Variants in BTD observed in about 807,000 individuals in gnomAD.
BTD encodes biotinidase, also known as biocytinase.
BTD carries 13 observed loss-of-function variants against 17.7 expected under a neutral mutation model. The observed-to-expected ratio is 0.74, with a 90% CI of 0.48 to 1.17. BTD has a LOEUF of 1.17. Ranked by LOEUF, BTD falls within the 50% of genes most tolerant of loss-of-function variation. The pLI is 0.00. For missense variants in BTD, 674 were observed against 650.4 expected, an observed-to-expected ratio of 1.04 and a Z score of -0.39; for synonymous variants, 240 against 245.2, an observed-to-expected ratio of 0.98 and a Z score of 0.20.
chr3:15,657,051 G>C (rs983957167), downstream of BTD, among the ~76,000 whole-genome samples: 1 of 152,180 alleles, frequency 6.6e-6, no homozygotes, highest in African/African-American at 2.4e-5. Context: ...GCTCCTCTGG[G>C]CCTCTCCATG....
In BTD at chr3:15,645,008, C is replaced by A. The variant is rs753278397; in HGVS notation, c.1092C>A (p.Thr364=). 7 of 1,614,150 alleles carry A rather than the reference C, an allele frequency of 4.3e-6. No individual in the cohort carries two copies. Among genetic ancestry groups the A allele is most frequent in the East Asian group, 4.5e-5 (2 of 44,888 alleles). ...AGGAAGTCCACTGTGATGAGGCCAC[C>A]AAGTGGAACGTGAATGCTCCTCCCA... ...DAQEVHCDEA[T]KWNVNAPPTF... is the part of the protein sequence containing the mutation. Residue 364 remains threonine, a synonymous_variant, in exon 4 of 4, where the codon ACC becomes ACA. Coordinates refer to ENST00000643237, the MANE Select transcript of BTD (RefSeq NM_001370658.1).
At chr3:15,670,214 TCCTGAAAAAG>T in intron 3 of BTD, 4 of 1,561,868 alleles carry the variant, frequency 2.6e-6, no homozygotes, top group Admixed American at 1.9e-5. Context: ...AGTGCCTTTT[TCCTGAAAAAG>T]CACAGTTTGA....
rs938461144 is a variant in BTD at position 15,721,769 on chromosome 3, G to A, written c.1016-1G>A. ...TTTTGCTTTTCTTTTTTTTGAGACA[G>A]GGTCTCATTCTGTCGCCCAGACTGG... On this transcript the variant is annotated splice_acceptor_variant, in intron 4 of 4. Transcript: ENST00000672427. LOFTEE classifies it high-confidence loss of function. Among the ~76,000 whole-genome samples, 2 of 151,932 alleles carry A rather than the reference G, an allele frequency of 1.3e-5. No homozygotes were observed. The highest frequency in any genetic ancestry group is 4.8e-5 in the African/African-American group (2 of 41,368).
chr3:15,631,523 A>T (rs768057992), intron 1 of BTD: 4 of 1,485,996 alleles, frequency 2.7e-6, no homozygotes, highest in Middle Eastern at 1.7e-4. Flanking sequence ...GTGTGTAAAA[A>T]TATCTAGTGA....
intron 1 of BTD, among the ~76,000 whole-genome samples, chr3:15,618,158 C>T (rs922615202): frequency 1.1e-4 from 17 of 152,286 alleles, no homozygotes; most frequent in Non-Finnish European, 1.0e-4. Flanking sequence ...AGAATGGGGT[C>T]TCTCTATTTT....
rs57358840 is a variant in BTD, at chr3:15,662,777, G to T, written c.399+20720G>T. 3.3e-5 allele frequency among the ~76,000 whole-genome samples: 5 copies of T among 151,390 alleles called. No individual in the cohort carries two copies. In the South Asian group the frequency reaches 1.0e-3, roughly 32 times the overall value. On this transcript the variant is annotated intron_variant, in intron 3 of 3. Transcript: ENST00000672141. ...ACCCGCCTGAGCAGCTGGAACTATA[G>T]GTGTGTGCCACCATGCCTGGCTAAT...
In BTD at chr3:15,652,199, G is replaced by A. The variant is rs917220568; in HGVS notation, c.*6711G>A. Among the ~76,000 whole-genome samples, 5 of 152,160 alleles carry A rather than the reference G, an allele frequency of 3.3e-5. No homozygotes were observed. The highest frequency in any genetic ancestry group is 1.9e-4 in the East Asian group (1 of 5,190). On this transcript the variant is annotated 3_prime_UTR_variant, in exon 4 of 4. Coordinates refer to ENST00000643237, the MANE Select transcript of BTD (RefSeq NM_001370658.1). ...AAAATTAGCCGGCATGGTGGCACACGCCTGTAGTCCCAGCTAGTCGGGAGG... is the reference window on the plus strand; with the variant it reads ...AAAATTAGCCGGCATGGTGGCACACACCTGTAGTCCCAGCTAGTCGGGAGG...
At chr3:15,712,903 C>T (rs555523228), downstream of BTD, among the ~76,000 whole-genome samples, 2 of 152,050 alleles carry the variant, frequency 1.3e-5, no homozygotes, top group South Asian at 2.1e-4. Context: ...CATACCATTA[C>T]AGAAAGTAAA....
At chr3:15,700,544 G>A (rs565590197) in intron 3 of BTD, among the ~76,000 whole-genome samples, 1 of 152,166 alleles carries the variant, frequency 6.6e-6, no homozygotes, top group Non-Finnish European at 1.5e-5. Flanking sequence ...GAGAGGCTGA[G>A]GCGGGCAGAT....
At chr3:15,722,391 C>T (rs542342131), downstream of BTD, among the ~76,000 whole-genome samples, 23 of 152,272 alleles carry the variant, frequency 1.5e-4, 1 homozygote, top group South Asian at 2.7e-3. Flanking sequence ...GTCCTGACTC[C>T]GTGAAGAGTG....
At chr3:15,718,644 A>T (rs2073352878) in intron 4 of BTD, among the ~76,000 whole-genome samples, 2 of 151,858 alleles carry the variant, frequency 1.3e-5, no homozygotes, top group Non-Finnish European at 2.9e-5. Flanking sequence ...TAAAACAGGA[A>T]GCCCAATCTC....
In BTD at chr3:15,648,043, C is replaced by A. The variant is rs1178721217; in HGVS notation, c.*2555C>A. ...CAGGTGGCCCTGCTTGGTACCTGTG[C>A]CCCCACCCCCCAGCCATGGTATATT... On this transcript the variant is annotated 3_prime_UTR_variant, in exon 4 of 4. Transcript: ENST00000643237. 6.6e-6 allele frequency among the ~76,000 whole-genome samples: 1 copy of A among 152,106 alleles called. No homozygotes were observed.
downstream of BTD, among the ~76,000 whole-genome samples, chr3:15,716,351 G>C (rs759927798): frequency 6.6e-5 from 10 of 151,166 alleles, no homozygotes; most frequent in Non-Finnish European, 1.3e-4. Flanking sequence ...GAATGCAGTG[G>C]TGTAATCATA....
intron 3 of BTD, among the ~76,000 whole-genome samples, chr3:15,698,749 A>G (rs1455973517): frequency 1.3e-5 from 2 of 152,212 alleles, no homozygotes; most frequent in Non-Finnish European, 2.9e-5. Flanking sequence ...GAGGACATAA[A>G]CAAATGGAAG....
At chr3:15,627,442 A>G (rs989785316) in intron 1 of BTD, among the ~76,000 whole-genome samples, 1 of 152,070 alleles carries the variant, frequency 6.6e-6, no homozygotes, top group Admixed American at 6.5e-5. Flanking sequence ...TGCCCAGGCT[A>G]GTTTCAACCT....
intron 3 of BTD, among the ~76,000 whole-genome samples, chr3:15,706,071 T>C (rs569825645): frequency 6.6e-6 from 1 of 151,904 alleles, no homozygotes; most frequent in Non-Finnish European, 1.5e-5. Context: ...AATTTTTTTT[T>C]TGTGTGTGTG....
intron 2 of BTD, among the ~76,000 whole-genome samples, chr3:15,637,944 A>T (rs2065395608): frequency 6.6e-6 from 1 of 152,244 alleles, no homozygotes; most frequent in South Asian, 2.1e-4. Flanking sequence ...TCCAGGGGCC[A>T]GGATTAAGCT....
chr3:15,632,274 C>G (rs1047134158), intron 1 of BTD, among the ~76,000 whole-genome samples: 1 of 152,202 alleles, frequency 6.6e-6, no homozygotes, highest in South Asian at 2.1e-4. Context: ...ATCCAGAGCA[C>G]GAGCCCCACG....
At chr3:15,657,682 C>T (rs115358322), downstream of BTD, among the ~76,000 whole-genome samples, 877 of 152,178 alleles carry the variant, frequency 5.8e-3, 10 homozygotes, top group African/African-American at 0.02. Flanking sequence ...TGGGGATGGT[C>T]CCAGCTGCTT....
Sources: gnomAD v4.1 joint callset for allele counts (sites outside exome capture counted in the v4.1 genomes callset) on GRCh38, gnomAD v4.1.1 for gene constraint, MANE v1.5 for transcripts, NCBI Gene and HGNC (gene_info 2026-07-23, HGNC 2026-07-21) for gene names.